The following RALGPS2 variants were observed in gnomAD, a reference collection of about 807,000 sequenced individuals.
RALGPS2 encodes Ral GEF with PH domain and SH3 binding motif 2.
In RALGPS2, 43 loss-of-function variants were observed where a neutral mutation model predicts 86.8. That is an observed-to-expected ratio of 0.50 (90% confidence interval 0.39 to 0.64). The LOEUF is 0.64. Ranked by LOEUF, RALGPS2 falls within the 30% of genes least tolerant of loss-of-function variation. RALGPS2 has a pLI of 0.00. For synonymous variants in RALGPS2, 243 were observed against 231.3 expected (o/e 1.05, Z -0.46); for missense variants, 536 against 694.6 (o/e 0.77, Z 2.57).
In RALGPS2 at chr1:178,784,565, T is replaced by G. The variant is rs1653556447; in HGVS notation, c.162+43T>G. 2.1e-6 allele frequency: 3 copies of G among 1,434,154 alleles called. No homozygotes were observed. The African/African-American group carries it at 4.2e-5, about 20-fold the overall frequency. 88.8% of individuals were successfully genotyped at this position (1,434,154 alleles called of 1,614,324 possible). On this transcript the variant is annotated intron_variant, in intron 3 of 19. Coordinates refer to ENST00000367635, the MANE Select transcript of RALGPS2 (RefSeq NM_152663.5). ...GTCTTCTCCGGTTTTGCACATAATT[T>G]ACATATTGGTGCTATTGAGTTAGAA...
chr1:178,733,144 A>G (rs1301931662), intron 1 of RALGPS2, among the ~76,000 whole-genome samples: 1 of 152,208 alleles, frequency 6.6e-6, no homozygotes, highest in Non-Finnish European at 1.5e-5. Context: ...AAACATGGAA[A>G]AATATCTGTA....
intron 6 of RALGPS2, among the ~76,000 whole-genome samples, chr1:178,816,947 A>G (rs1053935607): frequency 1.3e-5 from 2 of 151,786 alleles, no homozygotes; most frequent in African/African-American, 2.4e-5. Flanking sequence ...GACTCAGGTG[A>G]TCCACCCACC....
intron 3 of RALGPS2, 21 bp downstream of exon 3, chr1:178,784,543 TTC>T (rs749519484): frequency 6.6e-7 from 1 of 1,526,622 alleles, no homozygotes; most frequent in Non-Finnish European, 8.9e-7. Context: ...TACCTCTGTC[TTC>T]TCCGGTTTTG....
intron 8 of RALGPS2, among the ~76,000 whole-genome samples, chr1:178,854,300 T>TA (rs1269290275): frequency 6.6e-6 from 1 of 152,184 alleles, no homozygotes; most frequent in Non-Finnish European, 1.5e-5. Flanking sequence ...ATACCCAAGT[T>TA]ACAGTTTTGG....
intron 8 of RALGPS2, among the ~76,000 whole-genome samples, chr1:178,848,282 G>T (rs145821931): frequency 0.012 from 1,824 of 152,118 alleles, 55 homozygotes; most frequent in African/African-American, 0.042. Flanking sequence ...CTGCACTCCA[G>T]CCTGGGTGAC....
intron 19 of RALGPS2, among the ~76,000 whole-genome samples, chr1:178,915,636 A>G (rs1451614763): frequency 6.6e-6 from 1 of 152,234 alleles, no homozygotes; most frequent in African/African-American, 2.4e-5. Context: ...ACATTGGCCA[A>G]CATAATTTTT....
chr1:178,814,817 A>G (rs1009444480), intron 6 of RALGPS2, among the ~76,000 whole-genome samples: 2 of 152,200 alleles, frequency 1.3e-5, no homozygotes, highest in Admixed American at 6.5e-5. Context: ...CTCACTAGCA[A>G]TGTATGAAGA....
At chr1:178,777,878 A>G (rs1358419555) in intron 2 of RALGPS2, among the ~76,000 whole-genome samples, 63 of 145,076 alleles carry the variant, frequency 4.3e-4, no homozygotes, top group African/African-American at 1.6e-3. Flanking sequence ...CTTACACCTT[A>G]TACAAAAATC....
At chr1:178,758,272 G>A (rs917967495) in intron 1 of RALGPS2, among the ~76,000 whole-genome samples, 5 of 151,442 alleles carry the variant, frequency 3.3e-5, no homozygotes, top group African/African-American at 4.9e-5. Context: ...AATTCTTGGG[G>A]GTATATAGTA....
intron 8 of RALGPS2, chr1:178,853,482 A>T: frequency 1.1e-6 from 1 of 941,178 alleles, no homozygotes; most frequent in South Asian, 2.3e-5. Context: ...GAAAAAACAT[A>T]TGGATAGTTA....
Position 178,776,703 on chromosome 1 carries a change from G to T in RALGPS2, c.-62G>T. The T allele has an allele frequency of 1.6e-6, 2 of 1,243,306 alleles. No individual in the cohort carries two copies. Among genetic ancestry groups the T allele is most frequent in the Non-Finnish European group, 1.1e-6 (1 of 880,630 alleles). The allele number at this position is 1,243,306 out of a possible 1,614,324, so 77.0% of individuals were successfully genotyped here. On this transcript the variant is annotated 5_prime_UTR_variant, in exon 2 of 20. Coordinates refer to ENST00000367635, the MANE Select transcript of RALGPS2 (RefSeq NM_152663.5). ...ACAGGAATAATGTATTTGTGGCCTTGGACATGAGGCAGTCAGTCCTCTGTT... is the reference window on the plus strand; with the variant it reads ...ACAGGAATAATGTATTTGTGGCCTTTGACATGAGGCAGTCAGTCCTCTGTT...
At chr1:178,858,538 T>G (rs1031406714) in intron 8 of RALGPS2, among the ~76,000 whole-genome samples, 1 of 152,160 alleles carries the variant, frequency 6.6e-6, no homozygotes, top group Non-Finnish European at 1.5e-5. Flanking sequence ...AAGCATAGTA[T>G]CAACTATTTT....
chr1:178,846,126 A>G (rs1449131052), intron 8 of RALGPS2, among the ~76,000 whole-genome samples: 1 of 152,192 alleles, frequency 6.6e-6, no homozygotes, highest in African/African-American at 2.4e-5. Context: ...TTCTATTCAG[A>G]TAATTTCAAC....
chr1:178,855,215 G>T (rs910156601), intron 8 of RALGPS2, among the ~76,000 whole-genome samples: 1 of 151,570 alleles, frequency 6.6e-6, no homozygotes, highest in Non-Finnish European at 1.5e-5. Flanking sequence ...ATCTCATTAG[G>T]TAGTTACACA....
At chr1:178,780,375 C>T (rs1347255612) in intron 2 of RALGPS2, among the ~76,000 whole-genome samples, 2 of 152,106 alleles carry the variant, frequency 1.3e-5, no homozygotes, top group African/African-American at 4.8e-5. Flanking sequence ...TAGATTAGTG[C>T]CATGACCTTT....
intron 19 of RALGPS2, among the ~76,000 whole-genome samples, chr1:178,912,288 C>G (rs1660656582): frequency 6.6e-6 from 1 of 152,150 alleles, no homozygotes; most frequent in Non-Finnish European, 1.5e-5. Flanking sequence ...TGTCAGTGGA[C>G]TATATACTTA....
At position 178,865,175 on chromosome 1, in the gene RALGPS2, A is replaced by G. The variant is rs371377179; in HGVS notation, c.608-12323A>G. 3.1e-6 allele frequency: 5 copies of G among 1,612,082 alleles called. No homozygotes were observed. The highest frequency in any genetic ancestry group is 4.2e-6 in the Non-Finnish European group (5 of 1,178,800). On this transcript the variant is annotated intron_variant, in intron 8 of 19. Coordinates refer to ENST00000367635, the MANE Select transcript of RALGPS2 (RefSeq NM_152663.5). ...GGTGTCTTGTCGGGAAAATATCCTC[A>G]AGCACTGTTCTTCCAACAAAGTGAT...
In RALGPS2 at chr1:178,892,316, C is replaced by G. The variant is rs372847823; in HGVS notation, c.1325+9C>G. The G allele has an allele frequency of 1.6e-4, 262 of 1,610,808 alleles. No individual in the cohort carries two copies. Among genetic ancestry groups the G allele is most frequent in the Non-Finnish European group, 2.2e-4 (256 of 1,177,640 alleles). ...CACATGAAGGCCAGCAGGTACAATT[C>G]CCCTGCATTCAGGGGTCACAGAACT... On this transcript the variant is annotated intron_variant, in intron 15 of 19. Coordinates refer to ENST00000367635, the MANE Select transcript of RALGPS2 (RefSeq NM_152663.5).
At chr1:178,805,471 G>A (rs10913628) in intron 4 of RALGPS2, among the ~76,000 whole-genome samples, 6,500 of 151,182 alleles carry the variant, frequency 0.043, 212 homozygotes, top group African/African-American at 0.1. Flanking sequence ...TGTAAGGAAG[G>A]GATCCAGTTT....
Sources: gnomAD v4.1 joint callset for allele counts (sites outside exome capture counted in the v4.1 genomes callset) on GRCh38, gnomAD v4.1.1 for gene constraint, MANE v1.5 for transcripts, NCBI Gene and HGNC (gene_info 2026-07-23, HGNC 2026-07-21) for gene names.